The following TOPAZ1 variants were observed in gnomAD, a reference collection of about 807,000 sequenced individuals.
TOPAZ1 encodes testis and ovary specific TOPAZ 1.
Under a neutral mutation model 172.2 loss-of-function variants are expected in TOPAZ1, and 66 were observed. The observed-to-expected ratio is 0.38, with a 90% CI of 0.31 to 0.47. TOPAZ1 has a LOEUF of 0.47. Among genes scored for constraint, TOPAZ1 ranks in the 20% least tolerant of loss-of-function variants. The pLI is 0.99. For missense variants in TOPAZ1, 1,822 were observed against 1,972.4 expected (o/e 0.92, Z 1.44); for synonymous variants, 681 against 683.9 (o/e 1.00, Z 0.07).
chr3:44,299,952 T>TGG (rs1231456036), intron 12 of TOPAZ1, among the ~76,000 whole-genome samples: 3 of 23,452 alleles, frequency 1.3e-4, no homozygotes, highest in Non-Finnish European at 2.4e-4. Context: ...GGGACTGTTG[T>TGG]GGGGTGGGGG....
chr3:44,328,549 T>A, intron 19 of TOPAZ1, 116 bp downstream of exon 19: 7 of 482,222 alleles, frequency 1.5e-5, no homozygotes, highest in Non-Finnish European at 2.4e-5. Context: ...ATGTATATAT[T>A]TATATATGTA....
chr3:44,254,911 T>C (rs4682960), intron 2 of TOPAZ1, 57 bp from the exon 3 acceptor site: 633,324 of 1,255,668 alleles, frequency 0.5, 165,181 homozygotes, highest in East Asian at 0.83. Flanking sequence ...TTTAGAGAAG[T>C]GGATAGTTCT....
intron 8 of TOPAZ1, among the ~76,000 whole-genome samples, chr3:44,274,945 A>T (rs541075213): frequency 6.6e-6 from 1 of 151,778 alleles, no homozygotes; most frequent in Admixed American, 6.6e-5. Context: ...TATTTTACAT[A>T]TTTATGGGGT....
In TOPAZ1 at chr3:44,290,833, C is replaced by T. The variant is rs899820313; in HGVS notation, c.3744C>T (p.Tyr1248=). 1.3e-6 allele frequency: 2 copies of T among 1,549,916 alleles called. No individual in the cohort carries two copies. The highest frequency in any genetic ancestry group is 2.7e-5 in the African/African-American group (2 of 72,934). The change falls in exon 12 of 20, where the codon TAC becomes TAT. Residue 1248 remains tyrosine, a synonymous_variant. Coordinates refer to ENST00000309765, the MANE Select transcript of TOPAZ1 (RefSeq NM_001145030.2). ...TTAACTATATTGTTAAGCTTTTATACCAAGTACAAGCTTCCAAACAAGAAA... is the reference window on the plus strand; with the variant it reads ...TTAACTATATTGTTAAGCTTTTATATCAAGTACAAGCTTCCAAACAAGAAA... The part of the protein sequence containing the change: ...EHFNYIVKLL[Y]QVQASKQEIT...
At chr3:44,252,715 C>G (rs1699648880) in intron 2 of TOPAZ1, among the ~76,000 whole-genome samples, 1 of 152,158 alleles carries the variant, frequency 6.6e-6, no homozygotes, top group Admixed American at 6.6e-5. Flanking sequence ...GGGATATGTT[C>G]CAGTAGTTCT....
chr3:44,295,234 A>G (rs1700182516), intron 12 of TOPAZ1, among the ~76,000 whole-genome samples: 1 of 152,200 alleles, frequency 6.6e-6, no homozygotes, highest in Non-Finnish European at 1.5e-5. Context: ...ACCTCTATCA[A>G]TACAAACATA....
rs936008294 is a variant in TOPAZ1 at position 44,319,862 on chromosome 3, C to T, written c.4307-1165C>T. Among the ~76,000 whole-genome samples, 3 of 152,222 alleles carry T rather than the reference C, an allele frequency of 2.0e-5. No individual in the cohort carries two copies. The South Asian group carries it at 6.2e-4, about 32-fold the overall frequency. ...TGAATTATCAACTTTTTCTTCAATA[C>T]TTTTTATATTCACTGTGCTAGGAAG... On this transcript the variant is annotated intron_variant, in intron 16 of 19. Transcript: ENST00000309765.
intron 4 of TOPAZ1, among the ~76,000 whole-genome samples, chr3:44,259,152 A>G (rs1362323097): frequency 1.3e-5 from 2 of 152,134 alleles, no homozygotes; most frequent in Non-Finnish European, 2.9e-5. Context: ...GTCCTCCCCA[A>G]GTGGTTCCAA....
At chr3:44,326,576 T>C (rs1700603166) in intron 18 of TOPAZ1, among the ~76,000 whole-genome samples, 1 of 152,210 alleles carries the variant, frequency 6.6e-6, no homozygotes, top group Non-Finnish European at 1.5e-5. Flanking sequence ...TACAAATCCC[T>C]TGTCAGATAT....
chr3:44,326,068 A>G (rs1230046812), intron 18 of TOPAZ1, among the ~76,000 whole-genome samples: 4 of 152,178 alleles, frequency 2.6e-5, no homozygotes, highest in Non-Finnish European at 5.9e-5. Context: ...TCATTGGTTG[A>G]TGGACATTTG....
intron 8 of TOPAZ1, among the ~76,000 whole-genome samples, chr3:44,273,904 A>G (rs1699923955): frequency 6.6e-6 from 1 of 152,204 alleles, no homozygotes. Context: ...AAATATATTC[A>G]TGAGTGACTT....
At chr3:44,299,447 AAAC>A (rs539321669) in intron 12 of TOPAZ1, among the ~76,000 whole-genome samples, 5,168 of 152,020 alleles carry the variant, frequency 0.034, 115 homozygotes, top group Non-Finnish European at 0.056. Flanking sequence ...AAAAGTCAGG[AAAC>A]AACAGGTGCT....
chr3:44,269,469 A>ATTTTT (rs1559531943), intron 7 of TOPAZ1, among the ~76,000 whole-genome samples, 168 bp downstream of exon 7: 3 of 32,884 alleles, frequency 9.1e-5, no homozygotes, highest in Non-Finnish European at 1.6e-4. Flanking sequence ...TTTCCCTATC[A>ATTTTT]TCTTTTTTTT....
intron 12 of TOPAZ1, among the ~76,000 whole-genome samples, chr3:44,293,146 A>G (rs1420398758): frequency 6.6e-6 from 1 of 152,224 alleles, no homozygotes; most frequent in Non-Finnish European, 1.5e-5. Context: ...TGGTGATACT[A>G]GTGTAAACAA....
intron 6 of TOPAZ1, among the ~76,000 whole-genome samples, chr3:44,267,834 A>T (rs1284244482): frequency 6.6e-6 from 1 of 152,022 alleles, no homozygotes; most frequent in Non-Finnish European, 1.5e-5. Context: ...TTCTATATCT[A>T]CCCTACTATA....
rs888111141 is a variant in TOPAZ1 at position 44,243,932 on chromosome 3, G to A, written c.1426G>A (p.Glu476Lys). 1.0e-5 allele frequency: 16 copies of A among 1,552,216 alleles called. No homozygotes were observed. The highest frequency in any genetic ancestry group is 1.1e-5 in the Non-Finnish European group (13 of 1,147,108). ...SSREDLRSAS[E>K]ELKLSCQRTI... is the part of the protein sequence containing the mutation. The stretch of plus-strand genomic sequence containing the variant: ...ACGGGAAGACTTAAGAAGTGCATCT[G>A]AAGAATTGAAGTTAAGCTGTCAGAG... The change falls in exon 2 of 20, where the codon GAA becomes AAA. Residue 476 changes from glutamate to lysine, a missense_variant. By Grantham distance (56) the Glu-to-Lys change is moderately conservative. This residue lies in a region of TOPAZ1 where 1,489 missense variants were observed against 1,490.8 expected (regional missense o/e 1.00). Transcript: ENST00000309765.
intron 13 of TOPAZ1, 146 bp downstream of exon 13, chr3:44,304,227 G>GT: frequency 2.0e-6 from 1 of 491,844 alleles, no homozygotes; most frequent in Non-Finnish European, 3.6e-6. Flanking sequence ...AGGAAGTTTT[G>GT]TTTTTCTTAC....
intron 14 of TOPAZ1, among the ~76,000 whole-genome samples, chr3:44,306,001 T>A (rs1700332797): frequency 6.6e-6 from 1 of 152,230 alleles, no homozygotes; most frequent in African/African-American, 2.4e-5. Context: ...TCTATATAGT[T>A]TTGAATTTGT....
At chr3:44,271,871 A>G (rs1699903149) in intron 8 of TOPAZ1, among the ~76,000 whole-genome samples, 1 of 152,062 alleles carries the variant, frequency 6.6e-6, no homozygotes. Flanking sequence ...TGTTTAATTG[A>G]GGTTTTGTAC....
Sources: gnomAD v4.1 joint callset for allele counts (sites outside exome capture counted in the v4.1 genomes callset) on GRCh38, gnomAD v4.1.1 for gene constraint, gnomAD v4.1.1 regional missense constraint, MANE v1.5 for transcripts, NCBI Gene and HGNC (gene_info 2026-07-23, HGNC 2026-07-21) for gene names.